ATP2B2: variants seen among roughly 807,000 people sequenced by gnomAD.
The protein encoded by ATP2B2 is plasma membrane calcium-transporting ATPase 2.
A neutral mutation model predicts 120.0 loss-of-function variants in ATP2B2; 15 were observed. The observed-to-expected ratio is 0.12, with a 90% CI of 0.08 to 0.19. The LOEUF (loss-of-function observed/expected upper bound fraction) is 0.19. ATP2B2 is among the 10% of genes least tolerant of loss of function. The pLI, the probability that ATP2B2 is intolerant of heterozygous loss-of-function variation, is 1.00. For missense variants in ATP2B2, 1,045 were observed against 1,719.8 expected, an observed-to-expected ratio of 0.61 and a Z score of 6.94; for synonymous variants, 694 against 700.3, an observed-to-expected ratio of 0.99 and a Z score of 0.14.
rs1369151605 is a variant in ATP2B2 at position 10,375,134 on chromosome 3, G to GA, written c.1416+295dup. Among the ~76,000 whole-genome samples the GA allele has an allele frequency of 1.3e-5, 2 of 152,122 alleles. No homozygotes were observed. Among genetic ancestry groups the GA allele is most frequent in the African/African-American group, 4.8e-5 (2 of 41,422 alleles). On this transcript the variant is annotated intron_variant, in intron 11 of 22. Transcript: ENST00000360273. The surrounding 1 kb of genome is among the most constrained non-coding windows in gnomAD (Gnocchi z 4.2). ...AAGTCCAGATTTCTGGCTTCTCTTG[G>GA]AAAAAGGTGACAATGTGGCAATGCT... is the stretch of plus-strand genomic sequence containing the variant.
chr3:10,405,916 G>T (rs967014550), intron 3 of ATP2B2, among the ~76,000 whole-genome samples: 1 of 152,188 alleles, frequency 6.6e-6, no homozygotes, highest in African/African-American at 2.4e-5. Context: ...GGGGGTTAGG[G>T]GCACTGAGTG....
intron 2 of ATP2B2, among the ~76,000 whole-genome samples, chr3:10,582,244 G>A (rs959011854): frequency 1.3e-5 from 2 of 152,130 alleles, no homozygotes; most frequent in African/African-American, 2.4e-5. Flanking sequence ...ATTGCTGCAG[G>A]GGCTGCTGAG....
At chr3:10,548,863 C>T (rs1020066711) in intron 2 of ATP2B2, among the ~76,000 whole-genome samples, 1 of 152,212 alleles carries the variant, frequency 6.6e-6, no homozygotes, top group East Asian at 1.9e-4. Context: ...ACATGGAAAG[C>T]TCATATTTGA....
At chr3:10,687,218 CCA>C (rs2071545326) in intron 1 of ATP2B2, among the ~76,000 whole-genome samples, 4 of 152,208 alleles carry the variant, frequency 2.6e-5, no homozygotes, top group Admixed American at 2.6e-4. Context: ...CTTCTGCACC[CCA>C]GTTTCCTTAT....
At chr3:10,498,349 G>A (rs1027226277) in intron 1 of ATP2B2, among the ~76,000 whole-genome samples, 1 of 152,244 alleles carries the variant, frequency 6.6e-6, no homozygotes, top group Non-Finnish European at 1.5e-5. Flanking sequence ...GTAGGATGGC[G>A]TGCCCTGCCC....
intron 11 of ATP2B2, among the ~76,000 whole-genome samples, chr3:10,374,595 G>A (rs766390198): frequency 1.1e-4 from 17 of 152,180 alleles, no homozygotes; most frequent in Non-Finnish European, 2.4e-4. Context: ...CCCTACGCCC[G>A]GCCCTTCGAG....
rs1001220727 is a variant in ATP2B2 at position 10,635,565 on chromosome 3, G to A, written c.-459-15604C>T. 6.6e-6 allele frequency among the ~76,000 whole-genome samples: 1 copy of A among 152,130 alleles called. No homozygotes were observed. Among genetic ancestry groups the A allele is most frequent in the Non-Finnish European group, 1.5e-5 (1 of 68,010 alleles). On this transcript the variant is annotated intron_variant, in intron 1 of 21. Transcript: ENST00000646379. The surrounding 1 kb of genome is among the most constrained non-coding windows in gnomAD (Gnocchi z 4.3). ...GTTCTGAGCCCTCCAGATGGCAGGGGGAGACAAGAATCAGAAGCAGCTGCC... is the reference window on the plus strand; with the variant it reads ...GTTCTGAGCCCTCCAGATGGCAGGGAGAGACAAGAATCAGAAGCAGCTGCC...
intron 1 of ATP2B2, among the ~76,000 whole-genome samples, chr3:10,673,994 A>G (rs1256756382): frequency 4.4e-5 from 6 of 136,434 alleles, no homozygotes; most frequent in Non-Finnish European, 7.9e-5. Context: ...GTGGTTTTAT[A>G]AAAAAAAAAA....
Position 10,630,335 on chromosome 3 carries a change from G to T in ATP2B2, c.-459-10374C>A, listed in dbSNP as rs536479782. 2.2e-4 allele frequency among the ~76,000 whole-genome samples: 34 copies of T among 152,116 alleles called. No individual in the cohort carries two copies. In the South Asian group the frequency reaches 7.1e-3, roughly 32 times the overall value. On this transcript the variant is annotated intron_variant, in intron 1 of 21. Transcript: ENST00000646379. ...TCTTCCCACCTTCCACCCACCAAGAGGTCCCAGTGTCTGTTGTTCCCCTCT... is the reference window on the plus strand; with the variant it reads ...TCTTCCCACCTTCCACCCACCAAGATGTCCCAGTGTCTGTTGTTCCCCTCT...
Position 10,330,846 on chromosome 3 carries a change from G to A in ATP2B2, c.3421-1721C>T, listed in dbSNP as rs2059960310. Among the ~76,000 whole-genome samples the A allele has an allele frequency of 2.0e-5, 3 of 152,236 alleles. No individual in the cohort carries two copies. The South Asian group carries it at 6.2e-4, about 32-fold the overall frequency. Reference sequence around the variant, plus strand: ...AAGGTTTGTTTTACTGTTGCAGAGGGAATTCTTTCTAAAGCATGTCATACG... The same window carrying A: ...AAGGTTTGTTTTACTGTTGCAGAGGAAATTCTTTCTAAAGCATGTCATACG... On this transcript the variant is annotated intron_variant, in intron 22 of 22. Coordinates refer to ENST00000360273, the MANE Select transcript of ATP2B2 (RefSeq NM_001001331.4).
chr3:10,618,813 A>G (rs2125620879), intron 2 of ATP2B2, among the ~76,000 whole-genome samples: 1 of 152,308 alleles, frequency 6.6e-6, no homozygotes, highest in African/African-American at 2.4e-5. Flanking sequence ...GAAAACACAG[A>G]AAACCCAAAT....
intron 2 of ATP2B2, among the ~76,000 whole-genome samples, chr3:10,443,560 C>T (rs1433171303): frequency 6.6e-6 from 1 of 152,046 alleles, no homozygotes; most frequent in African/African-American, 2.4e-5. Context: ...GCTGCCGGAG[C>T]CCCCATGTGC....
chr3:10,388,197 T>G, intron 6 of ATP2B2, 80 bp downstream of exon 6: 1 of 1,598,956 alleles, frequency 6.3e-7, no homozygotes. Context: ...CAATAACTAT[T>G]TTGTTGAGTG....
At chr3:10,447,599 C>T (rs867740927) in intron 2 of ATP2B2, among the ~76,000 whole-genome samples, 2 of 152,200 alleles carry the variant, frequency 1.3e-5, no homozygotes, top group Non-Finnish European at 1.5e-5. Flanking sequence ...AGGCAATCTC[C>T]CAGTCCCCAA....
At chr3:10,670,506 C>T (rs1328769658) in intron 1 of ATP2B2, among the ~76,000 whole-genome samples, 4 of 152,138 alleles carry the variant, frequency 2.6e-5, no homozygotes, top group Non-Finnish European at 5.9e-5. Flanking sequence ...CAGCCTCTGC[C>T]TCCCGGGTTC....
At chr3:10,657,424 TC>T (rs1291166536) in intron 1 of ATP2B2, among the ~76,000 whole-genome samples, 1 of 152,220 alleles carries the variant, frequency 6.6e-6, no homozygotes, top group Non-Finnish European at 1.5e-5. Flanking sequence ...AATTGATGTC[TC>T]CCTCTGCCTT....
chr3:10,636,292 G>A (rs1374168885), intron 1 of ATP2B2, among the ~76,000 whole-genome samples: 3 of 152,184 alleles, frequency 2.0e-5, no homozygotes, highest in Non-Finnish European at 4.4e-5. Context: ...AGGGCAGGCT[G>A]TGTCATTTCC....
At position 10,504,600 on chromosome 3, in the gene ATP2B2, G is replaced by A. The variant is rs1475800673; in HGVS notation, c.-320+865C>T. Among the ~76,000 whole-genome samples the A allele has an allele frequency of 3.9e-5, 6 of 151,950 alleles. No homozygotes were observed. In the East Asian group the frequency reaches 1.2e-3, roughly 30 times the overall value. On this transcript the variant is annotated intron_variant, in intron 1 of 22. Transcript: ENST00000360273. ...CCAACCCCCAACCTGGGTGAGCAGA[G>A]GACAGCCGTGGTGTGGAATAGCTAC...
intron 1 of ATP2B2, among the ~76,000 whole-genome samples, chr3:10,696,823 G>T (rs923023248): frequency 1.3e-5 from 2 of 152,194 alleles, no homozygotes; most frequent in Admixed American, 1.3e-4. Flanking sequence ...GTGAAATGTG[G>T]AGGTGGTAAC....
Sources: gnomAD v4.1 joint callset for allele counts (sites outside exome capture counted in the v4.1 genomes callset) on GRCh38, gnomAD v4.1.1 for gene constraint, Gnocchi (gnomAD v3.1) non-coding constraint, MANE v1.5 for transcripts, NCBI Gene and HGNC (gene_info 2026-07-23, HGNC 2026-07-21) for gene names.